Variants in SQOR observed in about 807,000 individuals in gnomAD.
SQOR encodes sulfide quinone oxidoreductase.
In SQOR, 39 loss-of-function variants were observed where a neutral mutation model predicts 48.6. The ratio of observed to expected loss-of-function variants is 0.80; its 90% confidence interval spans 0.62 to 1.05. The LOEUF is 1.05. Among genes scored for constraint, SQOR ranks in the 50% least tolerant of loss-of-function variants. SQOR has a pLI of 0.00. For missense variants in SQOR, 561 were observed against 559.9 expected (o/e 1.00, Z -0.02); for synonymous variants, 220 against 206.2 (o/e 1.07, Z -0.57).
intron 5 of SQOR, among the ~76,000 whole-genome samples, chr15:45,675,723 G>C (rs1297820309): frequency 6.6e-6 from 1 of 152,076 alleles, no homozygotes; most frequent in East Asian, 1.9e-4. Context: ...GCTCACTGCT[G>C]TTCCCTCAGC....
intron 1 of SQOR, among the ~76,000 whole-genome samples, chr15:45,644,060 TTAGAGACGGCA>T (rs1342672824): frequency 1.3e-5 from 2 of 152,176 alleles, no homozygotes; most frequent in South Asian, 2.1e-4. Flanking sequence ...AAATTGCATT[TTAGAGACGGCA>T]TAGAGACGGC....
At chr15:45,654,994 A>G (rs1356242369) in intron 1 of SQOR, among the ~76,000 whole-genome samples, 3 of 152,184 alleles carry the variant, frequency 2.0e-5, no homozygotes, top group Non-Finnish European at 4.4e-5. Flanking sequence ...GACAAAGCAA[A>G]GGGAAAATGG....
chr15:45,666,613 T>C (rs1292343514), intron 3 of SQOR, among the ~76,000 whole-genome samples: 2 of 152,080 alleles, frequency 1.3e-5, no homozygotes, highest in Non-Finnish European at 2.9e-5. Context: ...AAAGAATACA[T>C]AAAAAGGAAA....
At chr15:45,657,387 A>G (rs2140946539) in intron 1 of SQOR, among the ~76,000 whole-genome samples, 1 of 152,018 alleles carries the variant, frequency 6.6e-6, no homozygotes, top group African/African-American at 2.4e-5. Context: ...CTTCTTCAGT[A>G]TTAGAGGTTA....
At chr15:45,688,428 C>T (rs1890260269) in intron 8 of SQOR, 24 bp downstream of exon 8, 2 of 1,512,434 alleles carry the variant, frequency 1.3e-6, no homozygotes, top group African/African-American at 1.4e-5. Flanking sequence ...GTAAGAATCA[C>T]TGTCTCAATG....
intron 1 of SQOR, among the ~76,000 whole-genome samples, chr15:45,651,321 G>A (rs538093349): frequency 1.3e-5 from 2 of 152,240 alleles, no homozygotes; most frequent in East Asian, 1.9e-4. Flanking sequence ...CTGAGCCCAC[G>A]CCCACCCAGA....
chr15:45,651,638 T>C (rs1230037091), intron 1 of SQOR, among the ~76,000 whole-genome samples: 1 of 152,176 alleles, frequency 6.6e-6, no homozygotes, highest in Non-Finnish European at 1.5e-5. Context: ...TTCTTTTTTT[T>C]TGTATTTTTG....
At chr15:45,667,462 G>A (rs1889853219) in intron 3 of SQOR, among the ~76,000 whole-genome samples, 1 of 152,024 alleles carries the variant, frequency 6.6e-6, no homozygotes, top group South Asian at 2.1e-4. Flanking sequence ...TCAGCCTTCT[G>A]GCAAGGTCTA....
intron 1 of SQOR, among the ~76,000 whole-genome samples, chr15:45,657,673 T>C (rs1239794285): frequency 1.3e-5 from 2 of 152,152 alleles, no homozygotes; most frequent in Admixed American, 1.3e-4. Flanking sequence ...CCAAGGCCTT[T>C]CTTTCTTTTT....
intron 3 of SQOR, among the ~76,000 whole-genome samples, 159 bp from the exon 4 acceptor site, chr15:45,669,769 C>T (rs1373377879): frequency 5.9e-5 from 9 of 152,198 alleles, no homozygotes; most frequent in Non-Finnish European, 1.3e-4. Context: ...GGGCAGGACT[C>T]CCAACCTTGT....
At chr15:45,659,224 G>C in intron 2 of SQOR, 67 bp downstream of exon 2, 1 of 1,302,876 alleles carries the variant, frequency 7.7e-7, no homozygotes, top group Non-Finnish European at 1.0e-6. Context: ...GTGTGTGTGT[G>C]TGTGTTCTGG....
In SQOR at chr15:45,690,909, C is replaced by G. The variant is rs115588750; in HGVS notation, c.1296-64C>G. 4.1e-4 allele frequency: 579 copies of G among 1,427,468 alleles called. 5 individuals are homozygous for G. In the African/African-American group the frequency reaches 7.7e-3, roughly 19 times the overall value. 88.4% of individuals were successfully genotyped at this position (1,427,468 alleles called of 1,614,324 possible). A position where few individuals can be genotyped will look rare whatever the true frequency, so the allele number is the denominator to read the frequency against. On this transcript the variant is annotated intron_variant, in intron 9 of 9. Coordinates refer to ENST00000260324, the MANE Select transcript of SQOR (RefSeq NM_021199.4). ...GCAGCCTGGCTTCCCTTTCAGCATC[C>G]TCCTGACTGAAGTCGCCCCATCTCT...
intron 2 of SQOR, 37 bp downstream of exon 2, chr15:45,659,194 A>G: frequency 1.4e-6 from 2 of 1,432,560 alleles, no homozygotes; most frequent in Non-Finnish European, 1.9e-6. Context: ...GTGTGTGTGT[A>G]CGTGTGTGTG....
At chr15:45,670,388 C>T (rs769645483) in intron 4 of SQOR, among the ~76,000 whole-genome samples, 1 of 152,120 alleles carries the variant, frequency 6.6e-6, no homozygotes, top group Non-Finnish European at 1.5e-5. Flanking sequence ...GCAGTTAGCT[C>T]GTCTGTTGCT....
chr15:45,673,682 T>A lies in SQOR; in HGVS notation c.535T>A (p.Trp179Arg), dbSNP rs149235309. The A allele has an allele frequency of 5.6e-6, 9 of 1,614,052 alleles. No individual in the cohort carries two copies. The highest frequency in any genetic ancestry group is 7.6e-6 in the Non-Finnish European group (9 of 1,180,036). ...TTCAGTTAAGACTGTAGAGAAGACATGGAAAGCTCTGCAGGACTTCAAAGA... is the reference window on the plus strand; with the variant it reads ...TTCAGTTAAGACTGTAGAGAAGACAAGGAAAGCTCTGCAGGACTTCAAAGA... ...NYSVKTVEKTWKALQDFKEGN... is the reference protein window; with the variant it reads ...NYSVKTVEKTRKALQDFKEGN... The change falls in exon 5 of 10, where the codon TGG (tryptophan) becomes AGG (arginine). Residue 179 changes from tryptophan (W) to arginine (R), a missense_variant. Physicochemically the swap from Trp to Arg is moderately radical, Grantham distance 101. Coordinates refer to ENST00000260324, the MANE Select transcript of SQOR (RefSeq NM_021199.4).
intron 1 of SQOR, among the ~76,000 whole-genome samples, chr15:45,639,489 C>A (rs1437869732): frequency 6.6e-6 from 1 of 152,246 alleles, no homozygotes; most frequent in East Asian, 1.9e-4. Flanking sequence ...TGGGAACCAG[C>A]AGCTCTGGCC....
intron 2 of SQOR, among the ~76,000 whole-genome samples, chr15:45,660,783 G>A (rs1453574304): frequency 1.3e-5 from 2 of 152,150 alleles, no homozygotes; most frequent in African/African-American, 2.4e-5. Context: ...ATTATTGCTT[G>A]TAGGGAGATT....
chr15:45,663,556 A>G (rs966590850), intron 3 of SQOR, among the ~76,000 whole-genome samples: 1 of 152,054 alleles, frequency 6.6e-6, no homozygotes, highest in African/African-American at 2.4e-5. Flanking sequence ...ACTTGAGCCC[A>G]TGAGGTCAAG....
At chr15:45,635,719 A>G (rs960577212) in intron 1 of SQOR, among the ~76,000 whole-genome samples, 2 of 152,196 alleles carry the variant, frequency 1.3e-5, no homozygotes, top group African/African-American at 4.8e-5. Context: ...TTTTTGCTCA[A>G]AGACGCTGAA....
Sources: gnomAD v4.1 joint callset for allele counts (sites outside exome capture counted in the v4.1 genomes callset) on GRCh38, gnomAD v4.1.1 for gene constraint, MANE v1.5 for transcripts, NCBI Gene and HGNC (gene_info 2026-07-23, HGNC 2026-07-21) for gene names.